DCC: variants seen among roughly 807,000 people sequenced by gnomAD.
The protein encoded by DCC is DCC netrin 1 receptor.
Under a neutral mutation model 172.5 loss-of-function variants are expected in DCC, and 58 were observed. The ratio of observed to expected loss-of-function variants is 0.34; its 90% CI spans 0.27 to 0.42. The LOEUF is 0.42. Ranked by LOEUF, DCC falls within the 10% of genes least tolerant of loss-of-function variation. The pLI is 1.00. For synonymous variants in DCC, 709 were observed against 644.5 expected, an observed-to-expected ratio of 1.10 and a Z score of -1.52; for missense variants, 1,740 against 1,791.0, an observed-to-expected ratio of 0.97 and a Z score of 0.51.
intron 1 of DCC, among the ~76,000 whole-genome samples, chr18:52,598,738 C>G (rs1350352582): frequency 1.3e-5 from 2 of 152,100 alleles, no homozygotes; most frequent in African/African-American, 4.8e-5. Context: ...TAACAAAATA[C>G]CTAAGACTAG....
intron 1 of DCC, among the ~76,000 whole-genome samples, chr18:52,684,703 C>T (rs1336248860): frequency 6.6e-6 from 1 of 151,710 alleles, no homozygotes; most frequent in Non-Finnish European, 1.5e-5. Context: ...GCAAGATAAG[C>T]TGGACTGGCC....
At chr18:52,798,158 G>A (rs1661357832) in intron 2 of DCC, among the ~76,000 whole-genome samples, 1 of 150,514 alleles carries the variant, frequency 6.6e-6, no homozygotes, top group African/African-American at 2.5e-5. Flanking sequence ...GATAGGGTCT[G>A]TCAATACCCA....
chr18:53,174,398 G>T (rs1171819077), intron 8 of DCC, among the ~76,000 whole-genome samples: 2 of 151,502 alleles, frequency 1.3e-5, no homozygotes, highest in African/African-American at 4.9e-5. Context: ...CTGGTTTTTT[G>T]AAAGGATCAA....
chr18:52,506,489 TATG>T (rs1452144942), intron 1 of DCC, among the ~76,000 whole-genome samples: 4 of 152,090 alleles, frequency 2.6e-5, no homozygotes, highest in Non-Finnish European at 5.9e-5. Flanking sequence ...TAGGTTGTGT[TATG>T]ATATTGTCTT....
chr18:53,446,976 GA>G (rs1324186322), intron 22 of DCC, among the ~76,000 whole-genome samples: 1 of 152,178 alleles, frequency 6.6e-6, no homozygotes, highest in Non-Finnish European at 1.5e-5. Flanking sequence ...TACAAATTTT[GA>G]AAAGCTTTGC....
At position 53,425,362 on chromosome 18, in the gene DCC, T is replaced by TTGTTTTTTG. The variant is rs1467017702; in HGVS notation, c.3163+9207_3163+9208insGTTTTTTGT. 1.1e-3 allele frequency among the ~76,000 whole-genome samples: 139 copies of TTGTTTTTTG among 122,340 alleles called. 2 individuals carry two copies. In the Middle Eastern group the frequency reaches 0.014, roughly 12 times the overall value. 80.3% of individuals were successfully genotyped at this position (122,340 alleles called of 152,430 possible). A position where few individuals can be genotyped will look rare whatever the true frequency, so the allele number is the denominator to read the frequency against. ...ATTTTCCCCGTTTCTCCTCTCTTTT[T>TTGTTTTTTG]TTTTTTTTTTTTTTTGAGACAGAGT... On this transcript the variant is annotated intron_variant, in intron 21 of 28. Coordinates refer to ENST00000442544, the MANE Select transcript of DCC (RefSeq NM_005215.4).
At chr18:52,675,685 A>C (rs984551031) in intron 1 of DCC, among the ~76,000 whole-genome samples, 6 of 152,150 alleles carry the variant, frequency 3.9e-5, no homozygotes, top group Non-Finnish European at 8.8e-5. Context: ...TTGTTTTTGT[A>C]CTGTGTTTAC....
At chr18:52,403,346 G>A (rs1219331346) in intron 1 of DCC, among the ~76,000 whole-genome samples, 1 of 151,904 alleles carries the variant, frequency 6.6e-6, no homozygotes, top group African/African-American at 2.4e-5. Flanking sequence ...AGCCCTTGAT[G>A]CTCTCCACTT....
intron 5 of DCC, among the ~76,000 whole-genome samples, chr18:53,053,191 A>G (rs2042357794): frequency 6.6e-6 from 1 of 152,052 alleles, no homozygotes; most frequent in Non-Finnish European, 1.5e-5. Flanking sequence ...AACAGAAAAG[A>G]AAAGGAAAAC....
chr18:53,495,402 A>AAAG (rs1555679104), intron 26 of DCC, among the ~76,000 whole-genome samples: 2 of 151,052 alleles, frequency 1.3e-5, no homozygotes, highest in African/African-American at 4.9e-5. Flanking sequence ...AAAAAAAAAA[A>AAAG]AAAAGAAAGA....
chr18:53,282,582 T>C (rs2144731002), intron 12 of DCC, among the ~76,000 whole-genome samples: 1 of 152,308 alleles, frequency 6.6e-6, no homozygotes, highest in African/African-American at 2.4e-5. Flanking sequence ...ATCTGGAGTT[T>C]ATTATACTGA....
At chr18:52,385,015 C>T (rs1229147212) in intron 1 of DCC, among the ~76,000 whole-genome samples, 1 of 152,102 alleles carries the variant, frequency 6.6e-6, no homozygotes, top group East Asian at 1.9e-4. Context: ...AAACACATAA[C>T]CAAAACTCAG....
intron 1 of DCC, among the ~76,000 whole-genome samples, chr18:52,630,529 C>A (rs1238111141): frequency 6.6e-6 from 1 of 152,124 alleles, no homozygotes; most frequent in African/African-American, 2.4e-5. Flanking sequence ...TAGTGCCTGG[C>A]ACATAGTAAG....
chr18:53,092,829 C>A (rs1008019668), intron 7 of DCC, among the ~76,000 whole-genome samples: 6 of 151,960 alleles, frequency 3.9e-5, no homozygotes. Context: ...TATCATAGAC[C>A]CCGAAACAAC....
intron 12 of DCC, among the ~76,000 whole-genome samples, chr18:53,261,834 T>C (rs1240277705): frequency 6.6e-6 from 1 of 152,140 alleles, no homozygotes; most frequent in African/African-American, 2.4e-5. Context: ...GCCTCTGGGA[T>C]GGTATCACCC....
chr18:53,180,277 A>G (rs1448711969), intron 9 of DCC, among the ~76,000 whole-genome samples: 2 of 152,222 alleles, frequency 1.3e-5, no homozygotes, highest in African/African-American at 4.8e-5. Context: ...TATTAATTGA[A>G]GGGACGGAAG....
intron 5 of DCC, among the ~76,000 whole-genome samples, chr18:53,013,524 A>G (rs954324273): frequency 2.0e-5 from 3 of 151,932 alleles, no homozygotes; most frequent in Non-Finnish European, 4.4e-5. Context: ...GGAACATCAC[A>G]CAACAGGGCA....
At chr18:52,942,787 A>G (rs986257243) in intron 5 of DCC, among the ~76,000 whole-genome samples, 9 of 152,210 alleles carry the variant, frequency 5.9e-5, no homozygotes, top group African/African-American at 2.2e-4. Flanking sequence ...TTGGGTGGGG[A>G]CACAGAGCCA....
chr18:52,592,806 C>CGT (rs970398059), intron 1 of DCC, among the ~76,000 whole-genome samples: 11 of 151,990 alleles, frequency 7.2e-5, no homozygotes, highest in African/African-American at 2.2e-4. Flanking sequence ...TCTAATTGTG[C>CGT]GTGTGTGTGT....
Sources: allele counts gnomAD v4.1 joint callset (sites outside exome capture counted in the v4.1 genomes callset), GRCh38; gene constraint gnomAD v4.1.1; transcripts MANE v1.5; gene names NCBI Gene and HGNC (gene_info 2026-07-23, HGNC 2026-07-21).